RPTOR: variants seen among roughly 807,000 people sequenced by gnomAD.
The protein encoded by RPTOR is regulatory associated protein of MTOR complex 1.
RPTOR carries 21 observed loss-of-function variants against 169.9 expected under a neutral mutation model. That is an observed-to-expected ratio of 0.12 (90% CI 0.09 to 0.18). The LOEUF is 0.18. Ranked by LOEUF, RPTOR falls within the 10% of genes least tolerant of loss-of-function variation. The pLI is 1.00. For missense variants in RPTOR, 1,133 were observed against 1,855.9 expected (o/e 0.61, Z 7.16); for synonymous variants, 732 against 753.2 (o/e 0.97, Z 0.46).
intron 16 of RPTOR, among the ~76,000 whole-genome samples, chr17:80,884,638 T>C (rs2589125): frequency 0.33 from 50,652 of 152,110 alleles, 10,373 homozygotes; most frequent in African/African-American, 0.57. Context: ...CCCCTCTGCG[T>C]CCAGGAGTGC....
rs1399395619 is a variant in RPTOR, at chr17:80,746,013, T to C, written c.655-7997T>C. Among the ~76,000 whole-genome samples the C allele has an allele frequency of 6.6e-6, 1 of 152,046 alleles. No homozygotes were observed. Among genetic ancestry groups the C allele is most frequent in the Non-Finnish European group, 1.5e-5 (1 of 67,994 alleles). On this transcript the variant is annotated intron_variant, in intron 5 of 33. Transcript: ENST00000306801. This position sits in a 1 kb window ranked among gnomAD's most constrained non-coding sequence, Gnocchi z 4.5. ...CCCAGTCTCTACTAAAAATATAAAA[T>C]TATCCAGACGTGGTGGCGCATACCT...
chr17:80,883,890 A>G lies in RPTOR; in HGVS notation c.1760A>G (p.Asn587Ser). The change falls in exon 16 of 34, where the codon AAC (asparagine) becomes AGC (serine). Residue 587 changes from asparagine (N) to serine (S), a missense_variant. Asn to Ser is a conservative substitution (Grantham distance 46). Transcript: ENST00000306801. ...ATCTGCCTCGGCAGGATCTGGCAGAACTTCGACTCGGCGAGGTGGTGCGGC... is the reference window on the plus strand; with the variant it reads ...ATCTGCCTCGGCAGGATCTGGCAGAGCTTCGACTCGGCGAGGTGGTGCGGC... The part of the protein sequence containing the change: ...VAICLGRIWQ[N>S]FDSARWCGVR... The G allele has an allele frequency of 6.2e-7, 1 of 1,613,710 alleles. No homozygotes were observed.
Position 80,635,774 on chromosome 17 carries a change from G to A in RPTOR, c.266-7954G>A, listed in dbSNP as rs559527110. On this transcript the variant is annotated intron_variant, in intron 2 of 33. Coordinates refer to ENST00000306801, the MANE Select transcript of RPTOR (RefSeq NM_020761.3). ...GGTCAGCATTGTCAAGGCTGAGGTG[G>A]TGTCCAGGCTGATTGTAGCAACCTG... Among the ~76,000 whole-genome samples, 3 of 152,266 alleles carry A rather than the reference G, an allele frequency of 2.0e-5. 1 individual carries two copies. The highest frequency in any genetic ancestry group is 4.1e-4 in the South Asian group (2 of 4,820).
chr17:80,872,834 G>A (rs1021148991), intron 13 of RPTOR, among the ~76,000 whole-genome samples: 2 of 152,186 alleles, frequency 1.3e-5, no homozygotes. Flanking sequence ...TGCCGAGGGC[G>A]ACCACAGAGG....
intron 7 of RPTOR, among the ~76,000 whole-genome samples, chr17:80,807,780 A>T (rs778035681): frequency 6.6e-6 from 1 of 151,770 alleles, no homozygotes; most frequent in Non-Finnish European, 1.5e-5. Context: ...CTATACTTTG[A>T]GCATCCTGTT....
At chr17:80,648,387 G>A (rs1006059354) in intron 3 of RPTOR, among the ~76,000 whole-genome samples, 5 of 151,966 alleles carry the variant, frequency 3.3e-5, no homozygotes, top group Non-Finnish European at 5.9e-5. Context: ...TTGTTTAGGG[G>A]TTTGGAGTGA....
At chr17:80,837,038 G>A (rs1380822821) in intron 9 of RPTOR, among the ~76,000 whole-genome samples, 1 of 152,150 alleles carries the variant, frequency 6.6e-6, no homozygotes, top group Non-Finnish European at 1.5e-5. Flanking sequence ...GCAGCAGTGC[G>A]GCCCTGAAGG....
At chr17:80,594,026 T>A (rs2065126346) in intron 1 of RPTOR, among the ~76,000 whole-genome samples, 1 of 151,886 alleles carries the variant, frequency 6.6e-6, no homozygotes, top group Non-Finnish European at 1.5e-5. Flanking sequence ...TTGCCGTTCG[T>A]TCCTTTCTTT....
At position 80,878,409 on chromosome 17, in the gene RPTOR, C is replaced by T. The variant is rs906407444; in HGVS notation, c.1510-2006C>T. Reference sequence around the variant, plus strand: ...TCGCCCAGGCTGGAATGCAGTGGTGCGATCTCAGCTCACTACAGCCTCCGC... The same window carrying T: ...TCGCCCAGGCTGGAATGCAGTGGTGTGATCTCAGCTCACTACAGCCTCCGC... On this transcript the variant is annotated intron_variant, in intron 13 of 33. Coordinates refer to ENST00000306801, the MANE Select transcript of RPTOR (RefSeq NM_020761.3). The surrounding 1 kb of genome is among the most constrained non-coding windows in gnomAD (Gnocchi z 4.1). Among the ~76,000 whole-genome samples the T allele has an allele frequency of 3.9e-5, 6 of 152,044 alleles. No homozygotes were observed. The South Asian group carries it at 1.0e-3, about 26-fold the overall frequency.
At chr17:80,901,169 A>G (rs745725696) in intron 20 of RPTOR, among the ~76,000 whole-genome samples, 6 of 150,612 alleles carry the variant, frequency 4.0e-5, no homozygotes, top group Admixed American at 1.3e-4. Context: ...TGCCGTTGTT[A>G]TCCTCGGTAC....
At chr17:80,961,598 T>A in intron 31 of RPTOR, 118 bp downstream of exon 31, 3 of 1,146,848 alleles carry the variant, frequency 2.6e-6, no homozygotes, top group Non-Finnish European at 3.7e-6. Context: ...GGGCAGTAAT[T>A]AACTCCTGCC....
At chr17:80,670,909 G>A (rs1039843252) in intron 3 of RPTOR, among the ~76,000 whole-genome samples, 5 of 152,010 alleles carry the variant, frequency 3.3e-5, no homozygotes, top group Admixed American at 1.3e-4. Flanking sequence ...GGGAGCACAC[G>A]CTCGTCCTTG....
chr17:80,683,629 T>G (rs1004360025), intron 3 of RPTOR, among the ~76,000 whole-genome samples: 2 of 152,168 alleles, frequency 1.3e-5, no homozygotes, highest in African/African-American at 4.8e-5. Context: ...CCCCCATTCA[T>G]TCCTTCATTC....
chr17:80,605,458 G>A (rs752683747), intron 1 of RPTOR, among the ~76,000 whole-genome samples: 3 of 152,198 alleles, frequency 2.0e-5, no homozygotes, highest in African/African-American at 7.2e-5. Context: ...GAGAGCCTGC[G>A]CAGGGTTTTT....
At chr17:80,792,991 A>G (rs1283748177) in intron 7 of RPTOR, among the ~76,000 whole-genome samples, 6 of 152,212 alleles carry the variant, frequency 3.9e-5, no homozygotes, top group Non-Finnish European at 8.8e-5. Context: ...ATGAATTAAA[A>G]AAAAATAGGG....
At chr17:80,711,104 G>A (rs1014191843) in intron 4 of RPTOR, among the ~76,000 whole-genome samples, 2 of 152,132 alleles carry the variant, frequency 1.3e-5, no homozygotes, top group Non-Finnish European at 2.9e-5. Flanking sequence ...TAAGCTTCCC[G>A]ATGTGTTGAC....
chr17:80,885,261 G>C, intron 17 of RPTOR, 113 bp downstream of exon 17: 1 of 1,199,438 alleles, frequency 8.3e-7, no homozygotes, highest in Non-Finnish European at 1.1e-6. Flanking sequence ...TTTCCACTGC[G>C]TGTCATTGCG....
chr17:80,905,355 G>A (rs1417399765), intron 20 of RPTOR, among the ~76,000 whole-genome samples: 1 of 151,982 alleles, frequency 6.6e-6, no homozygotes, highest in Non-Finnish European at 1.5e-5. Flanking sequence ...GGGAGGCCAA[G>A]GCAGGTGGAT....
intron 10 of RPTOR, among the ~76,000 whole-genome samples, chr17:80,842,140 C>T (rs991014732): frequency 1.3e-5 from 2 of 152,216 alleles, no homozygotes; most frequent in Admixed American, 6.5e-5. Flanking sequence ...GGCCACTGGG[C>T]ATTTTCAGTT....
Sources: gnomAD v4.1 joint callset for allele counts (sites outside exome capture counted in the v4.1 genomes callset) on GRCh38, gnomAD v4.1.1 for gene constraint, Gnocchi (gnomAD v3.1) non-coding constraint, MANE v1.5 for transcripts, NCBI Gene and HGNC (gene_info 2026-07-23, HGNC 2026-07-21) for gene names.